PCDHGA6: variants seen among roughly 807,000 people sequenced by gnomAD.
PCDHGA6 encodes the protein protocadherin gamma-A6.
In PCDHGA6, 41 loss-of-function variants were observed where a neutral mutation model predicts 60.6. The ratio of observed to expected loss-of-function variants is 0.68; its 90% confidence interval spans 0.53 to 0.88. The LOEUF (loss-of-function observed/expected upper bound fraction) is 0.88. PCDHGA6 is among the 40% of genes least tolerant of loss of function. The pLI is 0.00. For synonymous variants in PCDHGA6, 594 were observed against 524.4 expected (o/e 1.13, Z -1.81); for missense variants, 1,312 against 1,203.0 (o/e 1.09, Z -1.34).
chr5:141,491,723 G>C lies in PCDHGA6; in HGVS notation c.2425-3084G>C. The C allele has an allele frequency of 1.2e-6, 2 of 1,606,770 alleles. No homozygotes were observed. The highest frequency in any genetic ancestry group is 1.7e-6 in the Non-Finnish European group (2 of 1,177,028). On this transcript the variant is annotated intron_variant, in intron 1 of 3. Transcript: ENST00000517434. The surrounding 1 kb of genome is among the most constrained non-coding windows in gnomAD (Gnocchi z 6.9). The stretch of plus-strand genomic sequence containing the variant: ...CAGGTGAGGGGCTCGGCGCCGCCCC[G>C]GGCGACCCCTGGGGGCGGCACTGGA...
intron 1 of PCDHGA6, chr5:141,388,188 T>C: frequency 6.5e-7 from 1 of 1,540,372 alleles, no homozygotes; most frequent in South Asian, 1.1e-5. Context: ...GAAGCCAGCT[T>C]GTGCTCTGGA....
At chr5:141,453,205 G>C (rs570291941) in intron 1 of PCDHGA6, among the ~76,000 whole-genome samples, 2 of 151,872 alleles carry the variant, frequency 1.3e-5, no homozygotes, top group Non-Finnish European at 2.9e-5. Context: ...CCTCAACCTC[G>C]TGCACTTAAG....
At chr5:141,423,303 G>C (rs779246046) in intron 1 of PCDHGA6, 2 of 1,614,172 alleles carry the variant, frequency 1.2e-6, no homozygotes, top group Non-Finnish European at 1.7e-6. Flanking sequence ...ACCTCTCGCT[G>C]TACTTGGTGG....
chr5:141,425,057 C>T (rs926732426), intron 1 of PCDHGA6, among the ~76,000 whole-genome samples: 4 of 152,026 alleles, frequency 2.6e-5, no homozygotes, highest in African/African-American at 4.8e-5. Flanking sequence ...ATCTAGGGCT[C>T]GGACAAAAAT....
chr5:141,375,397 C>T lies in PCDHGA6; in HGVS notation c.1314C>T (p.Ile438=). 6.2e-7 allele frequency: 1 copy of T among 1,614,010 alleles called. No homozygotes were observed. Among genetic ancestry groups the T allele is most frequent in the Non-Finnish European group, 8.5e-7 (1 of 1,180,030 alleles). Residue 438 remains isoleucine, a synonymous_variant, in exon 1 of 4, where the codon ATC becomes ATT. Transcript: ENST00000517434. The part of the protein sequence containing the change: ...GTPPLSTETI[I]SLNVADTNDN... The stretch of plus-strand genomic sequence containing the variant: ...CACCTCTGTCTACAGAAACAATCAT[C>T]TCTCTAAATGTGGCAGACACCAACG...
intron 1 of PCDHGA6, chr5:141,409,291 A>G: frequency 6.2e-7 from 1 of 1,614,000 alleles, no homozygotes; most frequent in Non-Finnish European, 8.5e-7. Context: ...CACCTCCAGG[A>G]ATGGTTGTTG....
chr5:141,396,720 C>T (rs1432240411), intron 1 of PCDHGA6: 1 of 151,964 alleles, frequency 6.6e-6, no homozygotes, highest in Non-Finnish European at 1.5e-5. Flanking sequence ...AAGCTAATAC[C>T]TGAATTGATT....
rs770630741 is a variant in PCDHGA6, at chr5:141,381,826, C to CTTTTTT, written c.2424+5336_2424+5341dup. Among the ~76,000 whole-genome samples, 197 of 74,234 alleles carry CTTTTTT rather than the reference C, an allele frequency of 2.7e-3. 2 individuals carry two copies. Among genetic ancestry groups the CTTTTTT allele is most frequent in the African/African-American group, 3.6e-3 (59 of 16,186 alleles). The allele number at this position is 74,234 out of a possible 152,430, so 48.7% of individuals were successfully genotyped here. A position where few individuals can be genotyped will look rare whatever the true frequency, so the allele number is the denominator to read the frequency against. On this transcript the variant is annotated intron_variant, in intron 1 of 3. Coordinates refer to ENST00000517434, the MANE Select transcript of PCDHGA6 (RefSeq NM_018919.3). ...TTTCTTTCTTTCTTTCTTTCTTCTT[C>CTTTTTT]TTTTTTTTTTTTTTTTTTTTTTGGC...
intron 1 of PCDHGA6, among the ~76,000 whole-genome samples, chr5:141,482,605 C>T (rs2099569133): frequency 6.7e-6 from 1 of 150,032 alleles, no homozygotes; most frequent in Admixed American, 6.6e-5. Flanking sequence ...GAAAAAACAC[C>T]TAAATGAGCC....
chr5:141,415,750 T>G lies in PCDHGA6; in HGVS notation c.2424+39243T>G, dbSNP rs758016978. 309 of 1,313,170 alleles carry G rather than the reference T, an allele frequency of 2.4e-4. No individual in the cohort carries two copies. In the East Asian group the frequency reaches 2.9e-3, roughly 12 times the overall value. 81.3% of individuals were successfully genotyped at this position (1,313,170 alleles called of 1,614,324 possible). On this transcript the variant is annotated intron_variant, in intron 1 of 3. Coordinates refer to ENST00000517434, the MANE Select transcript of PCDHGA6 (RefSeq NM_018919.3). Reference sequence around the variant, plus strand: ...TTGATGTTTATTAAGGTTTTTTTTTTTTTTTTTTTTTTTTTTTTTTTTACT... The same window carrying G: ...TTGATGTTTATTAAGGTTTTTTTTTGTTTTTTTTTTTTTTTTTTTTTTACT...
intron 1 of PCDHGA6, among the ~76,000 whole-genome samples, chr5:141,481,039 C>T (rs748434260): frequency 4.6e-5 from 7 of 152,048 alleles, no homozygotes; most frequent in Non-Finnish European, 8.8e-5. Flanking sequence ...GCCTGGGCGA[C>T]AGAGCGAGAC....
chr5:141,427,646 C>A, intron 1 of PCDHGA6: 1 of 715,440 alleles, frequency 1.4e-6, no homozygotes, highest in East Asian at 2.7e-5. Context: ...ACCAAGTCTC[C>A]TACGTGGTCC....
In PCDHGA6 at chr5:141,432,278, A is replaced by G. The variant is rs923930127; in HGVS notation, c.2424+55771A>G. On this transcript the variant is annotated intron_variant, in intron 1 of 3. Transcript: ENST00000517434. The surrounding 1 kb of genome is among the most constrained non-coding windows in gnomAD (Gnocchi z 6.0). ...GGCAAGCCTATCGTCCTACGTGTCC[A>G]TCAACTCCGACACTGGGGTACTGTA... 3.7e-5 allele frequency: 59 copies of G among 1,614,078 alleles called. No individual in the cohort carries two copies. Among genetic ancestry groups the G allele is most frequent in the Non-Finnish European group, 4.7e-5 (55 of 1,180,036 alleles).
intron 1 of PCDHGA6, among the ~76,000 whole-genome samples, chr5:141,488,661 G>T (rs573211567): frequency 6.6e-6 from 1 of 152,246 alleles, no homozygotes; most frequent in African/African-American, 2.4e-5. Context: ...GGAGGGTGGG[G>T]GAATACATGG....
At position 141,376,053 on chromosome 5, in the gene PCDHGA6, C is replaced by A. The variant is rs1453617614; in HGVS notation, c.1970C>A (p.Thr657Asn). 6.2e-7 allele frequency: 1 copy of A among 1,613,372 alleles called. No individual in the cohort carries two copies. Among genetic ancestry groups the A allele is most frequent in the African/African-American group, 1.3e-5 (1 of 75,066 alleles). ...QDHGQPPLSA[T>N]VTLTVAVADR... is the part of the protein sequence containing the mutation. ...CACGGCCAGCCCCCTCTCTCCGCCACTGTCACGCTCACCGTGGCCGTGGCC... is the reference window on the plus strand; with the variant it reads ...CACGGCCAGCCCCCTCTCTCCGCCAATGTCACGCTCACCGTGGCCGTGGCC... Residue 657 changes from threonine to asparagine, a missense_variant, in exon 1 of 4, where the codon ACT (threonine) becomes AAT (asparagine). By Grantham distance (65) the Thr-to-Asn change is moderately conservative (BLOSUM62 0). Coordinates refer to ENST00000517434, the MANE Select transcript of PCDHGA6 (RefSeq NM_018919.3).
chr5:141,387,736 A>C, intron 1 of PCDHGA6: 3 of 1,307,572 alleles, frequency 2.3e-6, no homozygotes, highest in East Asian at 2.5e-5. Flanking sequence ...GCCAGCCTTT[A>C]CACCGCTTCC....
rs2154581798 is a variant in PCDHGA6, at chr5:141,489,799, G to T, written c.2425-5008G>T. 1 of 1,614,192 alleles carries T rather than the reference G, an allele frequency of 6.2e-7. No homozygotes were observed. The highest frequency in any genetic ancestry group is 2.2e-5 in the East Asian group (1 of 44,884). On this transcript the variant is annotated intron_variant, in intron 1 of 3. Coordinates refer to ENST00000517434, the MANE Select transcript of PCDHGA6 (RefSeq NM_018919.3). The surrounding 1 kb of genome is among the most constrained non-coding windows in gnomAD (Gnocchi z 4.5). Reference sequence around the variant, plus strand: ...CTCTCTGAATGTGAAGACCCTAAAAGATGGGAAGCCATTCCCAGAGCTGGT... The same window carrying T: ...CTCTCTGAATGTGAAGACCCTAAAATATGGGAAGCCATTCCCAGAGCTGGT...
intron 1 of PCDHGA6, chr5:141,423,068 A>T: frequency 6.2e-7 from 1 of 1,614,090 alleles, no homozygotes; most frequent in Non-Finnish European, 8.5e-7. Context: ...AAGGCCAGCG[A>T]GCCGGGACTC....
intron 1 of PCDHGA6, chr5:141,412,854 A>T (rs1356959630): frequency 4.5e-6 from 1 of 223,412 alleles, no homozygotes; most frequent in African/African-American, 2.3e-5. Context: ...GAGAAACCAA[A>T]GAATCTATGT....
Sources: allele counts gnomAD v4.1 joint callset (sites outside exome capture counted in the v4.1 genomes callset), GRCh38; gene constraint gnomAD v4.1.1; non-coding constraint Gnocchi (gnomAD v3.1); transcripts MANE v1.5; gene names NCBI Gene and HGNC (gene_info 2026-07-23, HGNC 2026-07-21).